The following SKAP1 variants were observed in gnomAD, a reference collection of about 807,000 sequenced individuals.
The protein encoded by SKAP1 is src kinase-associated phosphoprotein 1.
A neutral mutation model predicts 58.5 loss-of-function variants in SKAP1; 44 were observed. The observed-to-expected ratio is 0.75, with a 90% CI of 0.59 to 0.97. The LOEUF is 0.97. Ranked by LOEUF, SKAP1 falls within the 50% of genes least tolerant of loss-of-function variation. The pLI, the probability that SKAP1 is intolerant of heterozygous loss-of-function variation, is 0.00. For synonymous variants in SKAP1, 127 were observed against 149.7 expected (o/e 0.85, Z 1.11); for missense variants, 390 against 435.2 (o/e 0.90, Z 0.92).
At chr17:48,198,386 C>T (rs1445126723) in intron 4 of SKAP1, among the ~76,000 whole-genome samples, 2 of 130,208 alleles carry the variant, frequency 1.5e-5, no homozygotes, top group East Asian at 2.6e-4. Context: ...ACCCGGGAGG[C>T]GGAGCTTGCA....
chr17:48,352,111 TCTC>T (rs1187254129), intron 3 of SKAP1, among the ~76,000 whole-genome samples: 2 of 150,768 alleles, frequency 1.3e-5, no homozygotes, highest in East Asian at 1.9e-4. Context: ...GCCACTGTCT[TCTC>T]CTCTCCCACC....
chr17:48,297,378 G>A (rs1431657796), intron 4 of SKAP1, among the ~76,000 whole-genome samples: 1 of 152,098 alleles, frequency 6.6e-6, no homozygotes, highest in Non-Finnish European at 1.5e-5. Context: ...TTTATATAGT[G>A]CCTTTCACCA....
chr17:48,284,732 G>A (rs1333249298), intron 4 of SKAP1, among the ~76,000 whole-genome samples: 1 of 152,200 alleles, frequency 6.6e-6, no homozygotes, highest in African/African-American at 2.4e-5. Context: ...AGCAGTTGTA[G>A]AAGGTTGGAA....
intron 4 of SKAP1, among the ~76,000 whole-genome samples, chr17:48,320,356 G>C (rs1208875702): frequency 1.3e-5 from 2 of 152,056 alleles, no homozygotes; most frequent in Non-Finnish European, 2.9e-5. Flanking sequence ...TTCTAGACAA[G>C]GATGTCTTTC....
chr17:48,173,671 T>G (rs1270955297), intron 9 of SKAP1, among the ~76,000 whole-genome samples: 2 of 152,110 alleles, frequency 1.3e-5, no homozygotes, highest in East Asian at 3.9e-4. Context: ...TTTGCAGAGG[T>G]TTATTCTACC....
intron 1 of SKAP1, among the ~76,000 whole-genome samples, chr17:48,400,910 C>T (rs918276813): frequency 6.6e-6 from 1 of 151,954 alleles, no homozygotes; most frequent in African/African-American, 2.4e-5. Flanking sequence ...TTATGTAACC[C>T]CTATCAAAAT....
intron 4 of SKAP1, among the ~76,000 whole-genome samples, chr17:48,338,930 G>A (rs1356287447): frequency 1.3e-5 from 2 of 152,136 alleles, no homozygotes; most frequent in African/African-American, 2.4e-5. Context: ...CATGAAGGAA[G>A]CCACTGTGAT....
intron 4 of SKAP1, among the ~76,000 whole-genome samples, chr17:48,215,814 A>G (rs1042135464): frequency 7.9e-5 from 12 of 152,158 alleles, no homozygotes; most frequent in Non-Finnish European, 1.5e-5. Context: ...AGGCAGCCCC[A>G]GCATCACCAG....
At chr17:48,182,532 G>T in intron 7 of SKAP1, 75 bp from the exon 8 acceptor site, 1 of 1,022,560 alleles carries the variant, frequency 9.8e-7, no homozygotes, top group Non-Finnish European at 1.5e-6. Context: ...TGTCCAAGGG[G>T]GAGGAACCAC....
At chr17:48,365,727 A>G (rs2066992640) in intron 2 of SKAP1, among the ~76,000 whole-genome samples, 1 of 151,078 alleles carries the variant, frequency 6.6e-6, no homozygotes, top group Admixed American at 6.6e-5. Flanking sequence ...AATATAAGGG[A>G]TGCTTTTCTA....
the SKAP1 span, among the ~76,000 whole-genome samples, chr17:48,444,966 G>C: frequency 2.0e-5 from 3 of 152,190 alleles, no homozygotes; most frequent in African/African-American, 7.2e-5. Flanking sequence ...CTGCTCAGCT[G>C]AGTAGAATAC....
chr17:48,415,038 T>C (rs1438802585), intron 1 of SKAP1, among the ~76,000 whole-genome samples: 2 of 152,232 alleles, frequency 1.3e-5, no homozygotes, highest in Non-Finnish European at 2.9e-5. Context: ...CTGTGTTCCC[T>C]AACAGTTGCA....
chr17:48,246,730 T>C (rs985662407), intron 4 of SKAP1, among the ~76,000 whole-genome samples: 1 of 152,184 alleles, frequency 6.6e-6, no homozygotes, highest in African/African-American at 2.4e-5. Context: ...ATCCTGCTGG[T>C]CTTTTTCATC....
At chr17:48,153,052 C>T (rs1431060348) in intron 11 of SKAP1, among the ~76,000 whole-genome samples, 1 of 150,452 alleles carries the variant, frequency 6.6e-6, no homozygotes, top group East Asian at 2.0e-4. Context: ...CACACACATA[C>T]ATACACAGAG....
intron 1 of SKAP1, among the ~76,000 whole-genome samples, chr17:48,425,856 G>C (rs1390064992): frequency 6.6e-6 from 1 of 152,162 alleles, no homozygotes; most frequent in Non-Finnish European, 1.5e-5. Context: ...AAGCAGTTCA[G>C]GGGCAACTAT....
intron 4 of SKAP1, among the ~76,000 whole-genome samples, chr17:48,231,317 C>T (rs888654472): frequency 6.6e-6 from 1 of 152,112 alleles, no homozygotes; most frequent in African/African-American, 2.4e-5. Context: ...GTCTCTCAGA[C>T]CAGTAATTAT....
At chr17:48,136,831 T>G (rs2063706625) in intron 12 of SKAP1, 1 of 155,232 alleles carries the variant, frequency 6.4e-6, no homozygotes, top group South Asian at 1.9e-4. Flanking sequence ...CTGACTAATT[T>G]TTTTTTTTTG....
chr17:48,390,017 T>C (rs1161559503), intron 2 of SKAP1, among the ~76,000 whole-genome samples: 1 of 152,040 alleles, frequency 6.6e-6, no homozygotes, highest in Non-Finnish European at 1.5e-5. Context: ...AACATAAGAT[T>C]ATCATTAGGG....
At chr17:48,152,329 C>T (rs208009) in intron 11 of SKAP1, among the ~76,000 whole-genome samples, 135,238 of 152,216 alleles carry the variant, frequency 0.89, 60,143 homozygotes, top group Admixed American at 0.92. Flanking sequence ...AGCTGAATCA[C>T]GCAATACCAA....
Sources: allele counts gnomAD v4.1 joint callset (sites outside exome capture counted in the v4.1 genomes callset), GRCh38; gene constraint gnomAD v4.1.1; transcripts MANE v1.5; gene names NCBI Gene and HGNC (gene_info 2026-07-23, HGNC 2026-07-21).